NCOA1: variants seen among roughly 807,000 people sequenced by gnomAD.
The protein encoded by NCOA1 is Hin-2 protein.
A neutral mutation model predicts 150.9 loss-of-function variants in NCOA1; 35 were observed. That is an observed-to-expected ratio of 0.23 (90% CI 0.18 to 0.31). The LOEUF is 0.31. Ranked by LOEUF, NCOA1 falls within the 10% of genes least tolerant of loss-of-function variation. NCOA1 has a pLI of 1.00. For missense variants in NCOA1, 1,491 were observed against 1,749.3 expected (o/e 0.85, Z 2.63); for synonymous variants, 590 against 630.0 (o/e 0.94, Z 0.95).
At chr2:24,537,063 C>G (rs1036733686) in intron 1 of NCOA1, among the ~76,000 whole-genome samples, 1 of 151,904 alleles carries the variant, frequency 6.6e-6, no homozygotes, top group African/African-American at 2.4e-5. Flanking sequence ...AAATCTCAGA[C>G]TTCACTACTA....
chr2:24,541,310 A>G (rs926771817), intron 1 of NCOA1, among the ~76,000 whole-genome samples: 3 of 152,170 alleles, frequency 2.0e-5, no homozygotes, highest in Non-Finnish European at 4.4e-5. Flanking sequence ...GAGGTGAACC[A>G]AGAATCATGT....
At chr2:24,558,488 G>A (rs1429177840) in intron 1 of NCOA1, among the ~76,000 whole-genome samples, 1 of 152,114 alleles carries the variant, frequency 6.6e-6, no homozygotes, top group Non-Finnish European at 1.5e-5. Flanking sequence ...GGAAACCCCT[G>A]ATAAAACCCA....
intron 22 of NCOA1, among the ~76,000 whole-genome samples, chr2:24,764,863 G>C (rs929074405): frequency 6.6e-6 from 1 of 152,192 alleles, no homozygotes; most frequent in African/African-American, 2.4e-5. Flanking sequence ...CACAGTCTAA[G>C]CATTAGGAAA....
At position 24,707,829 on chromosome 2, in the gene NCOA1, A is replaced by C; in HGVS notation, c.2359A>C (p.Asn787His). The change falls in exon 13 of 23, where the codon AAC becomes CAC. Residue 787 changes from asparagine to histidine, a missense_variant. Physicochemically the swap from Asn to His is moderately conservative, Grantham distance 68. Transcript: ENST00000348332. ...AGAACAGATGGATCCATGTAATACA[A>C]ACCCAACCCCAATGACCAAACCCAC... Reference protein sequence around the residue: ...KKEQMDPCNTNPTPMTKPTPE... With the variant: ...KKEQMDPCNTHPTPMTKPTPE... 1 of 1,613,518 alleles carries C rather than the reference A, an allele frequency of 6.2e-7. No homozygotes were observed. The highest frequency in any genetic ancestry group is 8.5e-7 in the Non-Finnish European group (1 of 1,179,864).
chr2:24,609,727 T>C (rs563533495), intron 3 of NCOA1, among the ~76,000 whole-genome samples: 1 of 86,822 alleles, frequency 1.2e-5, no homozygotes, highest in Admixed American at 9.6e-5. Context: ...ATTTGTGCCT[T>C]TTTTTTTTCT....
intron 1 of NCOA1, among the ~76,000 whole-genome samples, chr2:24,516,959 T>TACAC (rs1558758520): frequency 6.6e-5 from 2 of 30,160 alleles, no homozygotes; most frequent in Admixed American, 6.0e-4. Context: ...TATACAAGTA[T>TACAC]ATATACGTAT....
At position 24,516,965 on chromosome 2, in the gene NCOA1, C is replaced by T. The variant is rs1472038152; in HGVS notation, c.-396+25363C>T. On this transcript the variant is annotated intron_variant, in intron 1 of 22. Coordinates refer to ENST00000348332, the MANE Select transcript of NCOA1 (RefSeq NM_003743.5). ...ATACGTATATATACAAGTATATATACGTATATATACACATATACGTATATA... is the reference window on the plus strand; with the variant it reads ...ATACGTATATATACAAGTATATATATGTATATATACACATATACGTATATA... 1.2e-4 allele frequency among the ~76,000 whole-genome samples: 11 copies of T among 90,394 alleles called. No homozygotes were observed. The South Asian group carries it at 3.1e-3, about 25-fold the overall frequency. 59.3% of individuals were successfully genotyped at this position (90,394 alleles called of 152,430 possible). A position where few individuals can be genotyped will look rare whatever the true frequency, so the allele number is the denominator to read the frequency against.
At chr2:24,718,860 C>T (rs1338868922) in intron 14 of NCOA1, among the ~76,000 whole-genome samples, 4 of 149,062 alleles carry the variant, frequency 2.7e-5, no homozygotes, top group Non-Finnish European at 6.0e-5. Context: ...CAGAATGAGA[C>T]TCTGTCTCAA....
At chr2:24,524,027 T>C (rs1017514826) in intron 1 of NCOA1, among the ~76,000 whole-genome samples, 11 of 150,848 alleles carry the variant, frequency 7.3e-5, no homozygotes, top group Admixed American at 4.6e-4. Flanking sequence ...AATCCACTTA[T>C]GGGAGCTGAT....
At chr2:24,515,604 A>G (rs539839866) in intron 1 of NCOA1, among the ~76,000 whole-genome samples, 11 of 152,230 alleles carry the variant, frequency 7.2e-5, no homozygotes, top group African/African-American at 2.6e-4. Flanking sequence ...GATTCATGTT[A>G]TATTACTTGG....
intron 7 of NCOA1, among the ~76,000 whole-genome samples, chr2:24,674,123 A>ATGTGTGTGTGTGTG (rs146841550): frequency 2.5e-4 from 37 of 145,596 alleles, no homozygotes; most frequent in Admixed American, 4.1e-4. Context: ...ATATGTATGT[A>ATGTGTGTGTGTGTG]TGTGTGTGTG....
intron 1 of NCOA1, among the ~76,000 whole-genome samples, chr2:24,530,656 CTTT>C (rs1221807012): frequency 6.6e-6 from 1 of 152,174 alleles, no homozygotes; most frequent in Non-Finnish European, 1.5e-5. Flanking sequence ...TTTGCATTTT[CTTT>C]TTATTTTGTT....
chr2:24,691,255 A>G (rs1329359253), intron 8 of NCOA1, among the ~76,000 whole-genome samples: 1 of 152,172 alleles, frequency 6.6e-6, no homozygotes, highest in Non-Finnish European at 1.5e-5. Context: ...GGAAGATCAT[A>G]CGTATTTTCT....
At chr2:24,512,089 G>A (rs749943222) in intron 1 of NCOA1, among the ~76,000 whole-genome samples, 3 of 152,088 alleles carry the variant, frequency 2.0e-5, no homozygotes, top group African/African-American at 4.8e-5. Flanking sequence ...TGCACTTATC[G>A]TAGAATGTGA....
intron 3 of NCOA1, among the ~76,000 whole-genome samples, chr2:24,622,340 A>T (rs1669205986): frequency 1.3e-5 from 2 of 152,324 alleles, no homozygotes; most frequent in South Asian, 4.1e-4. Context: ...GTTCAGCAGC[A>T]TCTGATATCT....
chr2:24,601,595 AC>A (rs553690637), intron 3 of NCOA1, among the ~76,000 whole-genome samples: 189 of 149,430 alleles, frequency 1.3e-3, no homozygotes, highest in African/African-American at 4.3e-3. Context: ...TCTTTGGAAA[AC>A]AGCTCCTCCT....
chr2:24,575,414 C>A (rs1666912991), intron 2 of NCOA1, among the ~76,000 whole-genome samples: 1 of 152,006 alleles, frequency 6.6e-6, no homozygotes, highest in African/African-American at 2.4e-5. Flanking sequence ...TTTGGCATCT[C>A]TGTTTGCTAA....
In NCOA1 at chr2:24,673,403, C is replaced by T; in HGVS notation, c.294C>T (p.Asp98=). ...CTGATGACGATGTACAGAAATCAGA[C>T]ATCTCATCAAGTAGTCAAGGAGTGA... is the stretch of plus-strand genomic sequence containing the variant. ...STTDDDVQKS[D]ISSSSQGVIE... The change falls in exon 7 of 23, where the codon GAC becomes GAT. Residue 98 remains aspartate, a synonymous_variant. Transcript: ENST00000348332. The T allele has an allele frequency of 6.3e-7, 1 of 1,588,480 alleles. No homozygotes were observed. Among genetic ancestry groups the T allele is most frequent in the Non-Finnish European group, 8.5e-7 (1 of 1,171,368 alleles).
At chr2:24,625,920 A>G (rs930658223) in intron 3 of NCOA1, among the ~76,000 whole-genome samples, 1 of 152,232 alleles carries the variant, frequency 6.6e-6, no homozygotes, top group Non-Finnish European at 1.5e-5. Flanking sequence ...TCGACTTATC[A>G]GCATAAATCA....
Sources: allele counts gnomAD v4.1 joint callset (sites outside exome capture counted in the v4.1 genomes callset), GRCh38; gene constraint gnomAD v4.1.1; transcripts MANE v1.5; gene names NCBI Gene and HGNC (gene_info 2026-07-23, HGNC 2026-07-21).